GRM7: variants seen among roughly 807,000 people sequenced by gnomAD.
GRM7 encodes the protein glutamate metabotropic receptor 7.
In GRM7, 35 loss-of-function variants were observed where a neutral mutation model predicts 84.5. The observed-to-expected ratio is 0.41, with a 90% confidence interval of 0.32 to 0.55. GRM7 has a LOEUF of 0.55. Ranked by LOEUF, GRM7 falls within the 20% of genes least tolerant of loss-of-function variation. GRM7 has a pLI of 0.19. For missense variants in GRM7, 1,003 were observed against 1,194.6 expected, an observed-to-expected ratio of 0.84 and a Z score of 2.36; for synonymous variants, 487 against 455.1, an observed-to-expected ratio of 1.07 and a Z score of -0.89.
chr3:7,033,424 C>A (rs971270851), intron 1 of GRM7, among the ~76,000 whole-genome samples: 2 of 152,108 alleles, frequency 1.3e-5, no homozygotes, highest in African/African-American at 4.8e-5. Flanking sequence ...CAAGTTTTCT[C>A]TGTTTTGTGT....
intron 8 of GRM7, among the ~76,000 whole-genome samples, chr3:7,665,913 T>G (rs1343618470): frequency 1.3e-5 from 2 of 152,218 alleles, no homozygotes; most frequent in Non-Finnish European, 2.9e-5. Flanking sequence ...CTTTTATATG[T>G]GCACCATACT....
chr3:6,971,175 A>C (rs536711774), intron 1 of GRM7, among the ~76,000 whole-genome samples: 12 of 129,478 alleles, frequency 9.3e-5, no homozygotes, highest in South Asian at 2.5e-4. Context: ...TGATTCCACA[A>C]AAAAAAAAAA....
Position 7,463,373 on chromosome 3 carries a change from T to G in GRM7, c.1515+1651T>G, listed in dbSNP as rs115505092. 9.6e-3 allele frequency among the ~76,000 whole-genome samples: 1,458 copies of G among 152,320 alleles called. 10 individuals carry two copies. Among genetic ancestry groups the G allele is most frequent in the Middle Eastern group, 0.031 (9 of 294 alleles). ...TTAACACTGATTTTATTTTTATTTGTTTGGTTTGTATTTTATCCTTTGTAA... is the reference window on the plus strand; with the variant it reads ...TTAACACTGATTTTATTTTTATTTGGTTGGTTTGTATTTTATCCTTTGTAA... On this transcript the variant is annotated intron_variant, in intron 7 of 9. Coordinates refer to ENST00000357716, the MANE Select transcript of GRM7 (RefSeq NM_000844.4).
At chr3:6,898,341 G>T (rs1020394055) in intron 1 of GRM7, among the ~76,000 whole-genome samples, 1 of 150,716 alleles carries the variant, frequency 6.6e-6, no homozygotes, top group African/African-American at 2.4e-5. Flanking sequence ...AGTAGGGATT[G>T]GTGAGAGACC....
intron 4 of GRM7, among the ~76,000 whole-genome samples, chr3:7,342,389 A>T (rs1205854671): frequency 6.6e-6 from 1 of 152,144 alleles, no homozygotes; most frequent in Admixed American, 6.6e-5. Flanking sequence ...CACACTACAC[A>T]TTCATCCTTC....
chr3:7,552,607 T>C (rs888576294), intron 7 of GRM7, among the ~76,000 whole-genome samples: 2 of 152,198 alleles, frequency 1.3e-5, no homozygotes. Context: ...TTGACTACCA[T>C]GCACCCGCAG....
chr3:7,288,872 T>C (rs1376892767), intron 2 of GRM7, among the ~76,000 whole-genome samples: 4 of 152,174 alleles, frequency 2.6e-5, no homozygotes, highest in Non-Finnish European at 4.4e-5. Context: ...AGCGTATATA[T>C]ATGCCTGCTC....
chr3:7,329,418 C>T (rs918511674), intron 4 of GRM7, among the ~76,000 whole-genome samples: 12 of 152,070 alleles, frequency 7.9e-5, no homozygotes, highest in Non-Finnish European at 8.8e-5. Context: ...ACTGCATTGC[C>T]GGTAATTGAG....
At chr3:6,885,619 T>A (rs540124168) in intron 1 of GRM7, among the ~76,000 whole-genome samples, 8 of 152,348 alleles carry the variant, frequency 5.3e-5, no homozygotes, top group Non-Finnish European at 8.8e-5. Context: ...TTTATTCCCA[T>A]GTCCGGTGCA....
At chr3:7,515,701 C>T (rs1700351815) in intron 7 of GRM7, among the ~76,000 whole-genome samples, 1 of 152,130 alleles carries the variant, frequency 6.6e-6, no homozygotes, top group South Asian at 2.1e-4. Context: ...ACAAGTAATC[C>T]ATGAGCCACA....
In GRM7 at chr3:7,470,131, C is replaced by G. The variant is rs186828481; in HGVS notation, c.1515+8409C>G. Among the ~76,000 whole-genome samples the G allele has an allele frequency of 3.6e-3, 550 of 152,256 alleles. 4 individuals carry two copies. The highest frequency in any genetic ancestry group is 0.013 in the African/African-American group (528 of 41,548). ...CTCCTACCACTCTCTTACATAATCC[C>G]CCTAACTCCCACTAGCATTTTATTT... On this transcript the variant is annotated intron_variant, in intron 7 of 9. Transcript: ENST00000357716.
chr3:6,908,318 T>C (rs925874455), intron 1 of GRM7, among the ~76,000 whole-genome samples: 13 of 152,344 alleles, frequency 8.5e-5, no homozygotes, highest in East Asian at 1.9e-4. Context: ...AAATTAATAA[T>C]GATGAAAAGA....
chr3:7,578,960 A>G lies in GRM7; in HGVS notation c.2054A>G (p.Glu685Gly). 1.2e-6 allele frequency: 2 copies of G among 1,614,134 alleles called. No homozygotes were observed. The highest frequency in any genetic ancestry group is 1.7e-6 in the Non-Finnish European group (2 of 1,180,024). ...TKTNRIYRIFEQGKKSVTAPR... is the reference protein window; with the variant it reads ...TKTNRIYRIFGQGKKSVTAPR... The stretch of plus-strand genomic sequence containing the variant: ...ACAAATCGGATTTATCGCATATTTG[A>G]GCAGGGCAAGAAATCAGTAACAGCT... Residue 685 changes from glutamate (E) to glycine (G), a missense_variant, in exon 8 of 10, where the codon GAG becomes GGG. Physicochemically the swap from Glu to Gly is moderately conservative, Grantham distance 98. This residue lies in a region of GRM7 where 910 missense variants were observed against 1,126.0 expected (regional missense o/e 0.81). Transcript: ENST00000357716.
At chr3:7,442,983 C>G (rs1697354301) in intron 5 of GRM7, among the ~76,000 whole-genome samples, 1 of 151,478 alleles carries the variant, frequency 6.6e-6, no homozygotes, top group South Asian at 2.1e-4. Flanking sequence ...CCCTGTTTCC[C>G]CCTTATATCA....
chr3:6,899,377 ATACT>A lies in GRM7; in HGVS notation c.519+37473_519+37476del, dbSNP rs979304146. Among the ~76,000 whole-genome samples the A allele has an allele frequency of 1.6e-4, 25 of 152,314 alleles. 1 individual carries two copies. Among genetic ancestry groups the A allele is most frequent in the Middle Eastern group, 3.4e-3 (1 of 294 alleles). On this transcript the variant is annotated intron_variant, in intron 1 of 9. Coordinates refer to ENST00000357716, the MANE Select transcript of GRM7 (RefSeq NM_000844.4). Reference sequence around the variant, plus strand: ...TATCTGACAAAGAGCTGGGCATAAAATACTTAATTGGACAACTTTTGATAAAATA... The same window carrying A: ...TATCTGACAAAGAGCTGGGCATAAAATAATTGGACAACTTTTGATAAAATA...
chr3:7,314,776 T>G (rs1381562751), intron 4 of GRM7, among the ~76,000 whole-genome samples: 1 of 152,162 alleles, frequency 6.6e-6, no homozygotes, highest in Non-Finnish European at 1.5e-5. Context: ...AATGGACAGT[T>G]TCTGTCCATT....
chr3:7,502,030 A>G (rs1283230927), intron 7 of GRM7, among the ~76,000 whole-genome samples: 3 of 152,204 alleles, frequency 2.0e-5, no homozygotes, highest in African/African-American at 7.2e-5. Context: ...TTTGGACTCA[A>G]TCAAAACTGG....
intron 1 of GRM7, among the ~76,000 whole-genome samples, chr3:7,040,288 C>G (rs956424131): frequency 6.6e-6 from 1 of 151,442 alleles, no homozygotes; most frequent in African/African-American, 2.5e-5. Context: ...TGATTAGACC[C>G]TTGTCTGTCT....
chr3:7,316,457 AT>A (rs1444016267), intron 4 of GRM7, among the ~76,000 whole-genome samples: 2 of 152,188 alleles, frequency 1.3e-5, no homozygotes, highest in Admixed American at 6.6e-5. Flanking sequence ...CAAAAAACAA[AT>A]GAGAGATGAC....
Sources: allele counts gnomAD v4.1 joint callset (sites outside exome capture counted in the v4.1 genomes callset), GRCh38; gene constraint gnomAD v4.1.1; regional missense constraint gnomAD v4.1.1; transcripts MANE v1.5; gene names NCBI Gene and HGNC (gene_info 2026-07-23, HGNC 2026-07-21).